The following AK8 variants were observed in gnomAD, a reference collection of about 807,000 sequenced individuals.
The protein encoded by AK8 is ATP-AMP transphosphorylase 8.
A neutral mutation model predicts 54.6 loss-of-function variants in AK8; 44 were observed. That is an observed-to-expected ratio of 0.81 (90% CI 0.63 to 1.04). AK8 has a LOEUF of 1.04. Among genes scored for constraint, AK8 ranks in the 50% least tolerant of loss-of-function variants. The pLI is 0.00. For synonymous variants in AK8, 239 were observed against 245.6 expected (o/e 0.97, Z 0.25); for missense variants, 555 against 613.6 (o/e 0.90, Z 1.01).
intron 9 of AK8, among the ~76,000 whole-genome samples, chr9:132,822,398 T>C (rs906682908): frequency 6.6e-6 from 1 of 151,620 alleles, no homozygotes; most frequent in Non-Finnish European, 1.5e-5. Flanking sequence ...CATATATTTG[T>C]TTGTATTCCC....
intron 11 of AK8, among the ~76,000 whole-genome samples, chr9:132,772,874 C>T (rs1319244951): frequency 6.6e-6 from 1 of 152,242 alleles, no homozygotes; most frequent in Non-Finnish European, 1.5e-5. Flanking sequence ...ACCTCCACAG[C>T]TACCACCCTG....
intron 11 of AK8, among the ~76,000 whole-genome samples, chr9:132,783,487 T>C (rs1189512342): frequency 6.6e-6 from 1 of 151,544 alleles, no homozygotes; most frequent in African/African-American, 2.4e-5. Context: ...AACCAGCCTA[T>C]TCAAAGGTAA....
chr9:132,838,484 T>G (rs1842414031), intron 5 of AK8, among the ~76,000 whole-genome samples: 1 of 152,172 alleles, frequency 6.6e-6, no homozygotes, highest in African/African-American at 2.4e-5. Context: ...TGACCTTGCT[T>G]CCCAAGTGCA....
intron 5 of AK8, among the ~76,000 whole-genome samples, chr9:132,842,594 CT>C (rs1842589229): frequency 6.6e-6 from 1 of 152,238 alleles, no homozygotes; most frequent in Non-Finnish European, 1.5e-5. Context: ...GTTAAGAGCA[CT>C]GTGTATTCCT....
At chr9:132,787,198 A>G (rs1839749618) in intron 11 of AK8, among the ~76,000 whole-genome samples, 1 of 152,228 alleles carries the variant, frequency 6.6e-6, no homozygotes, top group African/African-American at 2.4e-5. Context: ...CAGAGAGAAT[A>G]GAAAAAAGGG....
At chr9:132,873,373 G>A (rs887972339) in intron 2 of AK8, among the ~76,000 whole-genome samples, 10 of 152,050 alleles carry the variant, frequency 6.6e-5, no homozygotes, top group African/African-American at 2.2e-4. Context: ...AGAGAGCCAC[G>A]ATCTCTCACG....
In AK8 at chr9:132,855,024, G is replaced by A. The variant is rs1843121344; in HGVS notation, c.334-99C>T. ...CCCTTCACCAACGCCCTGGCCTCTG[G>A]AAAGCACCGACCACCATCGGGCCCC... On this transcript the variant is annotated intron_variant, in intron 4 of 12. Transcript: ENST00000298545. The A allele has an allele frequency of 4.7e-6, 6 of 1,272,042 alleles. No homozygotes were observed. The Admixed American group carries it at 1.1e-4, about 23-fold the overall frequency. 78.8% of individuals were successfully genotyped at this position (1,272,042 alleles called of 1,614,324 possible). A position where few individuals can be genotyped will look rare whatever the true frequency, so the allele number is the denominator to read the frequency against.
At chr9:132,857,111 A>G (rs988594837) in intron 4 of AK8, among the ~76,000 whole-genome samples, 1 of 152,176 alleles carries the variant, frequency 6.6e-6, no homozygotes, top group Non-Finnish European at 1.5e-5. Context: ...ATCTGCTGAG[A>G]TAGCCCTGTA....
intron 11 of AK8, among the ~76,000 whole-genome samples, chr9:132,743,499 C>G (rs1277459703): frequency 6.6e-6 from 1 of 152,234 alleles, no homozygotes; most frequent in Non-Finnish European, 1.5e-5. Context: ...TGCCACAGCA[C>G]TGTCGCTACC....
intron 11 of AK8, among the ~76,000 whole-genome samples, chr9:132,754,432 T>G (rs187990645): frequency 2.6e-4 from 40 of 152,274 alleles, no homozygotes; most frequent in Admixed American, 4.6e-4. Context: ...CTGGCATTAA[T>G]CACCAGTGAC....
intron 11 of AK8, among the ~76,000 whole-genome samples, chr9:132,746,125 G>A (rs1837637187): frequency 6.6e-6 from 1 of 152,136 alleles, no homozygotes; most frequent in Non-Finnish European, 1.5e-5. Flanking sequence ...GACCATCGGA[G>A]CCGCGCAGCC....
chr9:132,810,841 C>T (rs546829570), intron 10 of AK8, among the ~76,000 whole-genome samples: 11 of 152,086 alleles, frequency 7.2e-5, no homozygotes, highest in South Asian at 2.1e-4. Context: ...AAAATTATAA[C>T]GTGACTTGAA....
At chr9:132,726,882 C>A in intron 12 of AK8, among the ~76,000 whole-genome samples, 1 of 117,008 alleles carries the variant, frequency 8.5e-6, no homozygotes. Context: ...CCTGCCCGCC[C>A]CCCACCCCAC....
At chr9:132,824,773 C>T (rs1257255544) in intron 8 of AK8, among the ~76,000 whole-genome samples, 1 of 152,222 alleles carries the variant, frequency 6.6e-6, no homozygotes, top group East Asian at 1.9e-4. Context: ...TAGAGATGCA[C>T]AGTCCCCTCT....
At chr9:132,851,847 T>G (rs1842982998) in intron 5 of AK8, among the ~76,000 whole-genome samples, 1 of 152,198 alleles carries the variant, frequency 6.6e-6, no homozygotes, top group Non-Finnish European at 1.5e-5. Context: ...CAGAGCCTCA[T>G]AACAATATTT....
At chr9:132,844,764 T>C (rs1842685072) in intron 5 of AK8, among the ~76,000 whole-genome samples, 1 of 152,146 alleles carries the variant, frequency 6.6e-6, no homozygotes, top group Admixed American at 6.5e-5. Flanking sequence ...ATTTCCATGC[T>C]CAAGACTAGA....
Position 132,854,763 on chromosome 9 carries a change from T to C in AK8, c.402+94A>G, listed in dbSNP as rs895525236. The stretch of plus-strand genomic sequence containing the variant: ...CGTTTGCCTGCCTTACCTTCTCTTA[T>C]GCCTCTGGTCATCTCTGGTCTTGGA... On this transcript the variant is annotated intron_variant, in intron 5 of 12. Transcript: ENST00000298545. 4 of 1,363,654 alleles carry C rather than the reference T, an allele frequency of 2.9e-6. No individual in the cohort carries two copies. In the African/African-American group the frequency reaches 5.7e-5, roughly 20 times the overall value. The allele number at this position is 1,363,654 out of a possible 1,614,324, so 84.5% of individuals were successfully genotyped here.
At chr9:132,727,994 G>A (rs1358105554) in intron 11 of AK8, among the ~76,000 whole-genome samples, 2 of 152,178 alleles carry the variant, frequency 1.3e-5, no homozygotes, top group African/African-American at 4.8e-5. Context: ...GGAGCTGTGA[G>A]TAACAAACTC....
intron 5 of AK8, among the ~76,000 whole-genome samples, chr9:132,835,921 C>T (rs1256704785): frequency 1.3e-5 from 2 of 152,128 alleles, no homozygotes; most frequent in African/African-American, 2.4e-5. Context: ...GTTGAGAGTT[C>T]GAGACCAGCC....
Sources: allele counts gnomAD v4.1 joint callset (sites outside exome capture counted in the v4.1 genomes callset), GRCh38; gene constraint gnomAD v4.1.1; transcripts MANE v1.5; gene names NCBI Gene and HGNC (gene_info 2026-07-23, HGNC 2026-07-21).